SANBR: variants seen among roughly 807,000 people sequenced by gnomAD.
The protein encoded by SANBR is SANT and BTB domain regulator of CSR.
SANBR carries 77 observed loss-of-function variants against 101.8 expected under a neutral mutation model. The ratio of observed to expected loss-of-function variants is 0.76; its 90% CI spans 0.63 to 0.91. The LOEUF is 0.91. Ranked by LOEUF, SANBR falls within the 40% of genes least tolerant of loss-of-function variation. The pLI, the probability that SANBR is intolerant of heterozygous loss-of-function variation, is 0.00. For missense variants in SANBR, 875 were observed against 853.0 expected, an observed-to-expected ratio of 1.03 and a Z score of -0.32; for synonymous variants, 279 against 274.7, an observed-to-expected ratio of 1.02 and a Z score of -0.15.
At chr2:61,093,656 AATT>A (rs1682887829) in intron 11 of SANBR, among the ~76,000 whole-genome samples, 1 of 152,156 alleles carries the variant, frequency 6.6e-6, no homozygotes, top group Non-Finnish European at 1.5e-5. Flanking sequence ...CAGTGAAAAC[AATT>A]ATTAAAAAAT....
intron 20 of SANBR, 83 bp downstream of exon 20, chr2:61,118,199 C>G: frequency 1.1e-6 from 1 of 877,368 alleles, no homozygotes; most frequent in Non-Finnish European, 1.8e-6. Flanking sequence ...ATAAAGATGT[C>G]TTAGGCAGAA....
At chr2:61,116,496 CTT>C (rs1328897937) in intron 17 of SANBR, among the ~76,000 whole-genome samples, 1 of 151,916 alleles carries the variant, frequency 6.6e-6, no homozygotes, top group Non-Finnish European at 1.5e-5. Flanking sequence ...TAAAAATAGT[CTT>C]TTAAATTAAA....
In SANBR at chr2:61,102,720, C is replaced by T. The variant is rs546727799; in HGVS notation, c.1366-1133C>T. ...CCTGGCTAAATTTTTGTATTTTTATCGGAGACAGGGTTTCACCATGTTGGC... is the reference window on the plus strand; with the variant it reads ...CCTGGCTAAATTTTTGTATTTTTATTGGAGACAGGGTTTCACCATGTTGGC... On this transcript the variant is annotated intron_variant, in intron 12 of 21. Coordinates refer to ENST00000402291, the MANE Select transcript of SANBR (RefSeq NM_001129993.3). Among the ~76,000 whole-genome samples, 32 of 151,820 alleles carry T rather than the reference C, an allele frequency of 2.1e-4. No homozygotes were observed. The South Asian group carries it at 6.2e-3, about 30-fold the overall frequency.
intron 12 of SANBR, among the ~76,000 whole-genome samples, chr2:61,102,565 T>A (rs1365300076): frequency 6.6e-6 from 1 of 151,628 alleles, no homozygotes; most frequent in African/African-American, 2.4e-5. Flanking sequence ...GGAGTCTTGC[T>A]CTTGCTCTGT....
chr2:61,073,421 CTT>C (rs368466121), intron 4 of SANBR, 35 bp from the exon 5 acceptor site: 529 of 865,772 alleles, frequency 6.1e-4, no homozygotes, highest in South Asian at 1.7e-3. Flanking sequence ...TAACCCCCAC[CTT>C]TTTTTTTTTG....
chr2:61,088,300 A>T, intron 9 of SANBR, 55 bp downstream of exon 9: 1 of 1,566,610 alleles, frequency 6.4e-7, no homozygotes, highest in Non-Finnish European at 8.7e-7. Flanking sequence ...TATATTCTTT[A>T]ATTTACTACA....
intron 17 of SANBR, among the ~76,000 whole-genome samples, chr2:61,116,689 T>C (rs1318531164): frequency 2.0e-5 from 3 of 152,100 alleles, no homozygotes; most frequent in Non-Finnish European, 4.4e-5. Context: ...CAGAATTACA[T>C]TGGACACATT....
At chr2:61,087,459 T>C (rs2104889274) in intron 8 of SANBR, among the ~76,000 whole-genome samples, 1 of 151,712 alleles carries the variant, frequency 6.6e-6, no homozygotes, top group African/African-American at 2.4e-5. Context: ...CTTGGGAGGC[T>C]GATGTGGGAG....
At chr2:61,135,386 A>G (rs1684812863) in intron 21 of SANBR, among the ~76,000 whole-genome samples, 2 of 152,234 alleles carry the variant, frequency 1.3e-5, no homozygotes, top group African/African-American at 4.8e-5. Context: ...GACTCTTCCC[A>G]GTAAGTGATG....
intron 12 of SANBR, among the ~76,000 whole-genome samples, chr2:61,102,882 T>A (rs573704207): frequency 6.6e-6 from 1 of 152,034 alleles, no homozygotes; most frequent in South Asian, 2.1e-4. Context: ...TAGCAAGCAT[T>A]TGGAGTAACA....
chr2:61,094,088 G>A, intron 11 of SANBR: 14 of 983,530 alleles, frequency 1.4e-5, no homozygotes, highest in Non-Finnish European at 1.6e-5. Flanking sequence ...ATTTTAAACT[G>A]TTTAAGTTCC....
At chr2:61,129,149 AAGTT>A (rs1684605487), downstream of SANBR, among the ~76,000 whole-genome samples, 7 of 152,260 alleles carry the variant, frequency 4.6e-5, no homozygotes, top group South Asian at 1.5e-3. Context: ...TACTAAAAGA[AAGTT>A]ATTGAGGCAT....
In SANBR at chr2:61,122,244, C is replaced by A; in HGVS notation, c.*82C>A. The A allele has an allele frequency of 6.8e-7, 1 of 1,464,588 alleles. No homozygotes were observed. The highest frequency in any genetic ancestry group is 9.1e-7 in the Non-Finnish European group (1 of 1,101,584). 90.7% of individuals were successfully genotyped at this position (1,464,588 alleles called of 1,614,324 possible). A position where few individuals can be genotyped will look rare whatever the true frequency, so the allele number is the denominator to read the frequency against. ...GCTCACTTCTTGAAGATCTTCAGAA[C>A]AATGACTTCCAACTGTTTTATGTTA... On this transcript the variant is annotated 3_prime_UTR_variant, in exon 22 of 22. Transcript: ENST00000402291.
At chr2:61,112,147 T>G (rs1462636076) in intron 16 of SANBR, among the ~76,000 whole-genome samples, 3 of 152,228 alleles carry the variant, frequency 2.0e-5, no homozygotes, top group Non-Finnish European at 4.4e-5. Flanking sequence ...AGTGGCCGTT[T>G]TGCATCTCTA....
At position 61,073,509 on chromosome 2, in the gene SANBR, G is replaced by C; in HGVS notation, c.389G>C (p.Cys130Ser). The change falls in exon 5 of 22, where the codon TGT (cysteine) becomes TCT (serine). Residue 130 changes from cysteine to serine, a missense_variant. Coordinates refer to ENST00000402291, the MANE Select transcript of SANBR (RefSeq NM_001129993.3). The stretch of plus-strand genomic sequence containing the variant: ...AATTGTTCTTCAGAAAGTGAAAATT[G>C]TACTACTCATAATGGTGGAGAAATG... ...TRNCSSESEN[C>S]TTHNGGEMTE... The C allele has an allele frequency of 1.9e-6, 3 of 1,587,610 alleles. No individual in the cohort carries two copies. Among genetic ancestry groups the C allele is most frequent in the Non-Finnish European group, 2.6e-6 (3 of 1,164,210 alleles).
chr2:61,098,203 A>G (rs965274288), intron 12 of SANBR, among the ~76,000 whole-genome samples: 1 of 151,420 alleles, frequency 6.6e-6, no homozygotes, highest in African/African-American at 2.4e-5. Flanking sequence ...TCCCAGGCTC[A>G]AACAATCCTC....
chr2:61,118,538 G>A (rs1029392983), intron 20 of SANBR, among the ~76,000 whole-genome samples: 5 of 150,136 alleles, frequency 3.3e-5, no homozygotes, highest in Non-Finnish European at 7.4e-5. Flanking sequence ...ACCACACCTG[G>A]CCAAATATAT....
intron 4 of SANBR, 21 bp from the exon 5 acceptor site, chr2:61,073,437 G>A: frequency 8.1e-7 from 1 of 1,238,268 alleles, no homozygotes; most frequent in South Asian, 1.5e-5. Flanking sequence ...TTTTTTGTAT[G>A]TGTTTGTTTC....
In SANBR at chr2:61,070,490, C is replaced by T. The variant is rs768725818; in HGVS notation, c.140C>T (p.Thr47Ile). 4 of 1,606,288 alleles carry T rather than the reference C, an allele frequency of 2.5e-6. No homozygotes were observed. The highest frequency in any genetic ancestry group is 2.3e-5 in the East Asian group (1 of 44,314). ...ETIARLVPGL[T>I]PKECAKRFDE... The stretch of plus-strand genomic sequence containing the variant: ...ATAGCAAGGCTCGTGCCTGGATTAA[C>T]ACCAAAAGAGGTAAATAACAGTCCC... The change falls in exon 3 of 22, where the codon ACA becomes ATA. Residue 47 changes from threonine to isoleucine, a missense_variant. Transcript: ENST00000402291.
Sources: gnomAD v4.1 joint callset for allele counts (sites outside exome capture counted in the v4.1 genomes callset) on GRCh38, gnomAD v4.1.1 for gene constraint, MANE v1.5 for transcripts, NCBI Gene and HGNC (gene_info 2026-07-23, HGNC 2026-07-21) for gene names.